Variants in GRIA4 observed in about 807,000 individuals in gnomAD.
The protein encoded by GRIA4 is glutamate receptor 4.
Under a neutral mutation model 104.0 loss-of-function variants are expected in GRIA4, and 34 were observed. The ratio of observed to expected loss-of-function variants is 0.33; its 90% CI spans 0.25 to 0.44. The LOEUF (loss-of-function observed/expected upper bound fraction) is 0.44, where lower values mean the gene tolerates loss of function less well. Ranked by LOEUF, GRIA4 falls within the 20% of genes least tolerant of loss-of-function variation. The probability of loss-of-function intolerance (pLI) is 1.00; values close to 1 mark genes in which losing one functional copy is unlikely to be tolerated. For synonymous variants in GRIA4, 386 were observed against 381.9 expected, an observed-to-expected ratio of 1.01 and a Z score of -0.13; for missense variants, 750 against 1,096.5, an observed-to-expected ratio of 0.68 and a Z score of 4.46.
At chr11:105,685,076 G>A (rs1349411267) in intron 3 of GRIA4, among the ~76,000 whole-genome samples, 1 of 147,250 alleles carries the variant, frequency 6.8e-6, no homozygotes, top group Non-Finnish European at 1.5e-5. Flanking sequence ...TGATTACGTA[G>A]CACATCTATT....
chr11:105,654,346 GC>G (rs1328254270), intron 3 of GRIA4, among the ~76,000 whole-genome samples: 2 of 149,524 alleles, frequency 1.3e-5, no homozygotes, highest in East Asian at 2.0e-4. Context: ...TGCTAAGAGT[GC>G]CCCCACTGAA....
chr11:105,805,050 TA>T (rs1168089173), intron 4 of GRIA4, among the ~76,000 whole-genome samples: 2 of 152,012 alleles, frequency 1.3e-5, no homozygotes, highest in African/African-American at 4.8e-5. Flanking sequence ...CATAATTTTA[TA>T]ATTTGAAACA....
intron 5 of GRIA4, among the ~76,000 whole-genome samples, chr11:105,886,448 C>T (rs542470433): frequency 2.5e-4 from 38 of 152,000 alleles, no homozygotes; most frequent in Admixed American, 3.9e-4. Context: ...TTCTTTCCAG[C>T]TATTTTTTTC....
intron 3 of GRIA4, among the ~76,000 whole-genome samples, chr11:105,653,729 G>A (rs1951749649): frequency 6.6e-6 from 1 of 151,854 alleles, no homozygotes; most frequent in African/African-American, 2.4e-5. Flanking sequence ...ATGTTCCCAG[G>A]ATGTGAAAAT....
intron 3 of GRIA4, among the ~76,000 whole-genome samples, chr11:105,699,056 G>A (rs7947803): frequency 0.97 from 147,100 of 152,294 alleles, 71,198 homozygotes; most frequent in Non-Finnish European, 1. Context: ...TAGACTTTTC[G>A]TCAAGTGCTC....
intron 3 of GRIA4, chr11:105,613,411 CTA>C (rs1342291408): frequency 6.6e-6 from 1 of 152,102 alleles, no homozygotes; most frequent in African/African-American, 2.4e-5. Flanking sequence ...CAGATAATGA[CTA>C]TAGATTATTT....
intron 3 of GRIA4, among the ~76,000 whole-genome samples, chr11:105,743,753 C>A (rs1288165283): frequency 6.6e-6 from 1 of 152,178 alleles, no homozygotes; most frequent in African/African-American, 2.4e-5. Context: ...TCCAAGCTAT[C>A]CAGGCTATCA....
intron 14 of GRIA4, among the ~76,000 whole-genome samples, chr11:105,943,525 A>C (rs927229511): frequency 6.6e-6 from 1 of 152,118 alleles, no homozygotes; most frequent in East Asian, 1.9e-4. Flanking sequence ...ATACTTGAGA[A>C]GGTGATTACT....
intron 3 of GRIA4, among the ~76,000 whole-genome samples, chr11:105,703,766 G>T (rs955934607): frequency 2.6e-5 from 4 of 152,074 alleles, no homozygotes; most frequent in Non-Finnish European, 5.9e-5. Context: ...CTATGACCTT[G>T]TACCCTTTCT....
intron 10 of GRIA4, among the ~76,000 whole-genome samples, 177 bp downstream of exon 10, chr11:105,910,722 A>G (rs1004763730): frequency 2.6e-5 from 4 of 152,100 alleles, no homozygotes; most frequent in African/African-American, 9.7e-5. Flanking sequence ...GAGTTCATAT[A>G]GTACTTTTAT....
intron 4 of GRIA4, among the ~76,000 whole-genome samples, chr11:105,844,990 G>C (rs1240204302): frequency 2.6e-5 from 4 of 152,164 alleles, no homozygotes; most frequent in African/African-American, 4.8e-5. Context: ...GTGTGACCTT[G>C]GTCAATGTTC....
At chr11:105,633,979 T>C (rs1951108370) in intron 3 of GRIA4, among the ~76,000 whole-genome samples, 1 of 152,150 alleles carries the variant, frequency 6.6e-6, no homozygotes, top group Non-Finnish European at 1.5e-5. Flanking sequence ...TTACTCAATC[T>C]TCCTAAGTCT....
chr11:105,651,408 C>T (rs760327188), intron 3 of GRIA4, among the ~76,000 whole-genome samples: 10 of 152,058 alleles, frequency 6.6e-5, no homozygotes, highest in South Asian at 4.1e-4. Context: ...GATATATCAA[C>T]TCAGAAACTT....
intron 7 of GRIA4, among the ~76,000 whole-genome samples, chr11:105,899,216 T>C (rs894510809): frequency 3.3e-5 from 5 of 152,220 alleles, no homozygotes; most frequent in African/African-American, 1.2e-4. Flanking sequence ...ATATTGGCTA[T>C]GTCCATTTCT....
At chr11:105,868,438 C>T (rs931440949) in intron 5 of GRIA4, among the ~76,000 whole-genome samples, 5 of 152,048 alleles carry the variant, frequency 3.3e-5, no homozygotes, top group African/African-American at 1.2e-4. Flanking sequence ...TCCATCAGGG[C>T]GGAGTCTATG....
intron 4 of GRIA4, among the ~76,000 whole-genome samples, chr11:105,780,942 C>T (rs1047303592): frequency 6.6e-6 from 1 of 152,148 alleles, no homozygotes; most frequent in Admixed American, 6.5e-5. Context: ...CTTTCACACA[C>T]ACACACATAT....
At chr11:105,912,017 G>C (rs1947263153) in intron 10 of GRIA4, 1 of 1,262,266 alleles carries the variant, frequency 7.9e-7, no homozygotes, top group Non-Finnish European at 1.0e-6. Flanking sequence ...ATTCTTCTTG[G>C]ATGACCAACT....
chr11:105,908,321 T>C (rs1276167565), intron 9 of GRIA4, among the ~76,000 whole-genome samples: 1 of 152,214 alleles, frequency 6.6e-6, no homozygotes, highest in African/African-American at 2.4e-5. Context: ...TTTCACTCAC[T>C]TTTTGTCTAT....
At chr11:105,699,942 T>C (rs1953424685) in intron 3 of GRIA4, among the ~76,000 whole-genome samples, 1 of 152,124 alleles carries the variant, frequency 6.6e-6, no homozygotes, top group Non-Finnish European at 1.5e-5. Context: ...CCCATGAAAA[T>C]AGGAACACTG....
Sources: gnomAD v4.1 joint callset for allele counts (sites outside exome capture counted in the v4.1 genomes callset) on GRCh38, gnomAD v4.1.1 for gene constraint, MANE v1.5 for transcripts, NCBI Gene and HGNC (gene_info 2026-07-23, HGNC 2026-07-21) for gene names.